Variants in OTOA observed in about 807,000 individuals in gnomAD.
OTOA encodes the protein cancer/testis antigen 108.
A neutral mutation model predicts 110.8 loss-of-function variants in OTOA; 70 were observed. The observed-to-expected ratio is 0.63, with a 90% CI of 0.52 to 0.77. OTOA has a LOEUF of 0.77. Among genes scored for constraint, OTOA ranks in the 30% least tolerant of loss-of-function variants. The probability of loss-of-function intolerance (pLI) is 0.00; values close to 1 mark genes in which losing one functional copy is unlikely to be tolerated. For synonymous variants in OTOA, 373 were observed against 431.5 expected, an observed-to-expected ratio of 0.86 and a Z score of 1.68; for missense variants, 917 against 1,075.8, an observed-to-expected ratio of 0.85 and a Z score of 2.06.
At chr16:21,728,960 A>C (rs1899021235) in intron 20 of OTOA, among the ~76,000 whole-genome samples, 1 of 152,146 alleles carries the variant, frequency 6.6e-6, no homozygotes, top group Admixed American at 6.5e-5. Context: ...TTTCTTACAC[A>C]GCTTGGCATA....
chr16:21,735,266 C>T (rs1054201499), intron 21 of OTOA, among the ~76,000 whole-genome samples: 18 of 151,952 alleles, frequency 1.2e-4, no homozygotes, highest in Non-Finnish European at 1.6e-4. Flanking sequence ...ACAATCATGG[C>T]GGAAGGCGAA....
chr16:21,713,346 A>G (rs1472468831), intron 13 of OTOA, among the ~76,000 whole-genome samples: 1 of 152,098 alleles, frequency 6.6e-6, no homozygotes, highest in Non-Finnish European at 1.5e-5. Flanking sequence ...ACATTCCCCA[A>G]AGTAAATCCA....
At chr16:21,757,558 A>T (rs1337515355) in intron 28 of OTOA, among the ~76,000 whole-genome samples, 2 of 152,414 alleles carry the variant, frequency 1.3e-5, no homozygotes, top group South Asian at 4.1e-4. Flanking sequence ...ACTCAGGACT[A>T]ATTTCATTTT....
intron 13 of OTOA, among the ~76,000 whole-genome samples, chr16:21,712,528 CCA>C (rs1247723518): frequency 1.3e-5 from 2 of 151,516 alleles, no homozygotes; most frequent in Non-Finnish European, 2.9e-5. Flanking sequence ...AAGCAAAATA[CCA>C]CAGTGTCTCA....
intron 14 of OTOA, among the ~76,000 whole-genome samples, 161 bp downstream of exon 14, chr16:21,715,313 C>G (rs1898519624): frequency 6.6e-6 from 1 of 152,166 alleles, no homozygotes; most frequent in African/African-American, 2.4e-5. Flanking sequence ...CACCTTCCTT[C>G]CTTTCCAGAC....
chr16:21,693,664 C>A (rs376465529), intron 9 of OTOA, among the ~76,000 whole-genome samples: 1 of 152,184 alleles, frequency 6.6e-6, no homozygotes, highest in East Asian at 1.9e-4. Context: ...TCACTGCAAC[C>A]TCTGCCTCCA....
At chr16:21,718,788 T>A (rs995567843) in intron 15 of OTOA, among the ~76,000 whole-genome samples, 1 of 152,064 alleles carries the variant, frequency 6.6e-6, no homozygotes, top group South Asian at 2.1e-4. Context: ...CAGGTGCACA[T>A]GTGAATAGGA....
At chr16:21,667,839 A>G (rs1043302727) in intron 1 of OTOA, among the ~76,000 whole-genome samples, 3 of 152,074 alleles carry the variant, frequency 2.0e-5, no homozygotes, top group Admixed American at 1.3e-4. Context: ...CACACAGGAA[A>G]TTTTCATATG....
At chr16:21,725,190 C>T (rs12599452) in intron 18 of OTOA, among the ~76,000 whole-genome samples, 36,863 of 152,086 alleles carry the variant, frequency 0.24, 4,672 homozygotes, top group Non-Finnish European at 0.27. Flanking sequence ...TAGAACAGTG[C>T]CTGGCTTACT....
chr16:21,711,331 G>A (rs1898347897), intron 13 of OTOA, among the ~76,000 whole-genome samples: 3 of 152,180 alleles, frequency 2.0e-5, no homozygotes. Flanking sequence ...CTTTGGTGGG[G>A]ACAGGAGTCT....
intron 7 of OTOA, among the ~76,000 whole-genome samples, chr16:21,686,466 T>A (rs1041764934): frequency 3.3e-5 from 5 of 151,990 alleles, no homozygotes; most frequent in Admixed American, 6.6e-5. Flanking sequence ...TTTTAAAAAA[T>A]TTATTTTTTA....
Position 21,760,481 on chromosome 16 carries a change from T to A in OTOA, c.3361T>A (p.Ser1121Thr), listed in dbSNP as rs372758319. The change falls in exon 29 of 29, where the codon TCG (serine) becomes ACG (threonine). Residue 1121 changes from serine (S) to threonine (T), a missense_variant. Coordinates refer to ENST00000646100, the MANE Select transcript of OTOA (RefSeq NM_144672.4). ...SSRSPAGALQ[S>T]WGLWLGCPLL... ...GTATTTGCTTTTAGGAGCTCTCCAGTCGTGGGGTCTTTGGCTTGGTTGTCC... is the reference window on the plus strand; with the variant it reads ...GTATTTGCTTTTAGGAGCTCTCCAGACGTGGGGTCTTTGGCTTGGTTGTCC... The A allele has an allele frequency of 1.4e-5, 23 of 1,596,278 alleles. No individual in the cohort carries two copies. The highest frequency in any genetic ancestry group is 1.5e-5 in the Non-Finnish European group (18 of 1,168,796).
Position 21,715,088 on chromosome 16 carries a change from G to A in OTOA, c.1424G>A (p.Arg475Lys), listed in dbSNP as rs747597113. The part of the protein sequence containing the change: ...MKRKDISQVL[R>K]SAVSQYVSDL... Reference sequence around the variant, plus strand: ...CGCAAGGACATCTCGCAGGTCCTGAGAAGTGCCGTCTCCCAGTATGTATCC... The same window carrying A: ...CGCAAGGACATCTCGCAGGTCCTGAAAAGTGCCGTCTCCCAGTATGTATCC... The change falls in exon 14 of 29, where the codon AGA becomes AAA. Residue 475 changes from arginine to lysine, a missense_variant. This residue lies in a region of OTOA where 840 missense variants were observed against 910.2 expected (regional missense o/e 0.92). Transcript: ENST00000646100. 8.3e-5 allele frequency: 134 copies of A among 1,614,124 alleles called. 1 individual carries two copies. Among genetic ancestry groups the A allele is most frequent in the Non-Finnish European group, 1.1e-4 (127 of 1,180,042 alleles).
intron 7 of OTOA, among the ~76,000 whole-genome samples, chr16:21,685,955 C>T (rs1015843192): frequency 1.3e-5 from 2 of 152,132 alleles, no homozygotes; most frequent in Admixed American, 6.6e-5. Context: ...GTAAAAATTA[C>T]TATGCACCAG....
At chr16:21,720,114 C>T (rs1898683617) in intron 17 of OTOA, among the ~76,000 whole-genome samples, 1 of 152,074 alleles carries the variant, frequency 6.6e-6, no homozygotes, top group Non-Finnish European at 1.5e-5. Flanking sequence ...CACCACCATG[C>T]CTGGCTAATT....
At chr16:21,689,094 T>C (rs183569164) in intron 8 of OTOA, among the ~76,000 whole-genome samples, 38 of 152,248 alleles carry the variant, frequency 2.5e-4, no homozygotes, top group African/African-American at 7.0e-4. Flanking sequence ...GAGGATTGTG[T>C]CTAGGACTTG....
rs115894071 is a variant in OTOA, at chr16:21,700,325, A to G, written c.841-563A>G. Among the ~76,000 whole-genome samples the G allele has an allele frequency of 1.2e-3, 185 of 152,314 alleles. 1 individual carries two copies. The highest frequency in any genetic ancestry group is 4.3e-3 in the African/African-American group (180 of 41,572). ...ATCTAGAAATAAATGTGCAAAGATTAGCTTTTAAAAAGCCCAGTTTCTCAG... is the reference window on the plus strand; with the variant it reads ...ATCTAGAAATAAATGTGCAAAGATTGGCTTTTAAAAAGCCCAGTTTCTCAG... On this transcript the variant is annotated intron_variant, in intron 10 of 28. Coordinates refer to ENST00000646100, the MANE Select transcript of OTOA (RefSeq NM_144672.4).
intron 6 of OTOA, chr16:21,684,647 G>T: frequency 1.0e-6 from 1 of 997,236 alleles, no homozygotes; most frequent in Non-Finnish European, 1.5e-6. Flanking sequence ...CCTAAAAGGG[G>T]ATGTGCGCCC....
chr16:21,726,333 C>T (rs1898915175), intron 18 of OTOA, among the ~76,000 whole-genome samples, 190 bp from the exon 19 acceptor site: 2 of 152,026 alleles, frequency 1.3e-5, no homozygotes, highest in Admixed American at 6.6e-5. Flanking sequence ...GAAGTTTGTT[C>T]CCACCCATAG....
Sources: allele counts gnomAD v4.1 joint callset (sites outside exome capture counted in the v4.1 genomes callset), GRCh38; gene constraint gnomAD v4.1.1; regional missense constraint gnomAD v4.1.1; transcripts MANE v1.5; gene names NCBI Gene and HGNC (gene_info 2026-07-23, HGNC 2026-07-21).